HMCN1: variants seen among roughly 807,000 people sequenced by gnomAD.
HMCN1 encodes the protein hemicentin-1.
A neutral mutation model predicts 625.9 loss-of-function variants in HMCN1; 321 were observed. The ratio of observed to expected loss-of-function variants is 0.51; its 90% CI spans 0.47 to 0.56. HMCN1 has a LOEUF of 0.56. Ranked by LOEUF, HMCN1 falls within the 20% of genes least tolerant of loss-of-function variation. HMCN1 has a pLI of 0.00. For missense variants in HMCN1, 6,588 were observed against 6,887.3 expected (o/e 0.96, Z 1.54); for synonymous variants, 2,425 against 2,417.6 (o/e 1.00, Z -0.09).
Position 186,003,833 on chromosome 1 carries a change from C to T in HMCN1, c.4464C>T (p.Phe1488=), listed in dbSNP as rs1478904692. Residue 1488 remains phenylalanine, a synonymous_variant, in exon 29 of 107, where the codon TTC becomes TTT. Transcript: ENST00000271588. ...KGTPFPDIHW[F]KDGKPLFLGD... ...CTCCCTTTCCTGATATTCATTGGTT[C>T]AAAGATGGCAAGTGAGTATCTTTTC... 2.5e-6 allele frequency: 4 copies of T among 1,613,074 alleles called. No homozygotes were observed. The South Asian group carries it at 3.3e-5, about 13-fold the overall frequency.
chr1:186,051,286 T>C (rs1371033982), intron 42 of HMCN1, among the ~76,000 whole-genome samples: 1 of 152,042 alleles, frequency 6.6e-6, no homozygotes, highest in Non-Finnish European at 1.5e-5. Context: ...TGAATCAACA[T>C]GATTAAGTTG....
At chr1:186,156,734 T>C (rs187019312) in intron 97 of HMCN1, among the ~76,000 whole-genome samples, 1 of 152,298 alleles carries the variant, frequency 6.6e-6, no homozygotes, top group East Asian at 1.9e-4. Flanking sequence ...ATATTAAATA[T>C]CCTCAAAGTA....
rs202048492 is a variant in HMCN1 at position 186,137,680 on chromosome 1, T to C, written c.13753+12T>C. 173 of 1,614,054 alleles carry C rather than the reference T, an allele frequency of 1.1e-4. No individual in the cohort carries two copies. In the African/African-American group the frequency reaches 2.0e-3, roughly 19 times the overall value. ...TAAGCCTTGTCCAGGTACACCTCCT[T>C]ATTTAACTGATAGGCATGTGTTTAA... On this transcript the variant is annotated intron_variant, in intron 88 of 106. Transcript: ENST00000271588.
At position 185,934,856 on chromosome 1, in the gene HMCN1, A is replaced by G. The variant is rs960852106; in HGVS notation, c.1828+1032A>G. ...TAAATCTTAGAATGTTATTAATGAC[A>G]GAAAAGCGAAACTACCATGAGAATT... On this transcript the variant is annotated intron_variant, in intron 11 of 106. Transcript: ENST00000271588. Among the ~76,000 whole-genome samples, 5 of 152,332 alleles carry G rather than the reference A, an allele frequency of 3.3e-5. No homozygotes were observed. In the East Asian group the frequency reaches 9.6e-4, roughly 29 times the overall value.
At position 186,144,609 on chromosome 1, in the gene HMCN1, A is replaced by G. The variant is rs1650195771; in HGVS notation, c.14172A>G (p.Thr4724=). 1 of 1,614,140 alleles carries G rather than the reference A, an allele frequency of 6.2e-7. No homozygotes were observed. The highest frequency in any genetic ancestry group is 1.3e-5 in the African/African-American group (1 of 75,040). Residue 4724 remains threonine (T), a synonymous_variant, in exon 91 of 107, where the codon ACA becomes ACG. Coordinates refer to ENST00000271588, the MANE Select transcript of HMCN1 (RefSeq NM_031935.3). ...VSCGGGARQR[T]RGCSDPVPQY... ...GTGGAGGAGGTGCCAGACAGAGAAC[A>G]AGGGGCTGCTCCGACCCTGTGCCCC...
chr1:185,775,612 A>G (rs1359729053), intron 1 of HMCN1, among the ~76,000 whole-genome samples: 1 of 152,214 alleles, frequency 6.6e-6, no homozygotes, highest in Non-Finnish European at 1.5e-5. Context: ...AAAGCCAGGT[A>G]GGGCAGTTGT....
intron 16 of HMCN1, 106 bp from the exon 17 acceptor site, chr1:185,980,872 C>T (rs1427789259): frequency 1.3e-6 from 1 of 790,666 alleles, no homozygotes; most frequent in Non-Finnish European, 2.3e-6. Context: ...CTTCTTCAAC[C>T]AGAAGGCAGT....
chr1:186,068,098 C>A, intron 50 of HMCN1, 91 bp downstream of exon 50: 1 of 1,211,008 alleles, frequency 8.3e-7, no homozygotes, highest in Non-Finnish European at 1.2e-6. Context: ...ATAAAAACAC[C>A]AATGTTTTGT....
At chr1:185,973,244 A>G (rs1650954004) in intron 15 of HMCN1, among the ~76,000 whole-genome samples, 1 of 152,192 alleles carries the variant, frequency 6.6e-6, no homozygotes, top group Non-Finnish European at 1.5e-5. Flanking sequence ...TGTATCATGT[A>G]AATGAATATT....
intron 11 of HMCN1, among the ~76,000 whole-genome samples, chr1:185,958,627 T>A (rs886477169): frequency 2.6e-5 from 4 of 152,190 alleles, no homozygotes; most frequent in African/African-American, 4.8e-5. Context: ...TGCCAGGCAT[T>A]GTTCTAAGTG....
chr1:185,823,914 T>C (rs536512209), intron 1 of HMCN1, among the ~76,000 whole-genome samples: 1 of 152,290 alleles, frequency 6.6e-6, no homozygotes, highest in African/African-American at 2.4e-5. Context: ...TATTTCTACT[T>C]TTTATTTATT....
At chr1:186,162,660 G>A (rs554435365) in intron 97 of HMCN1, among the ~76,000 whole-genome samples, 1 of 152,194 alleles carries the variant, frequency 6.6e-6, no homozygotes, top group Non-Finnish European at 1.5e-5. Context: ...AAGTCTGTTG[G>A]AGTTTGCTAG....
chr1:185,846,828 G>C (rs1329017354), intron 2 of HMCN1, among the ~76,000 whole-genome samples: 1 of 152,086 alleles, frequency 6.6e-6, no homozygotes, highest in East Asian at 1.9e-4. Context: ...TTATGAGAAT[G>C]ACCTAGTCAG....
chr1:185,989,770 CTA>C (rs376317116), intron 21 of HMCN1, 123 bp downstream of exon 21: 20 of 527,910 alleles, frequency 3.8e-5, no homozygotes, highest in South Asian at 1.8e-4. Context: ...CCCCAGATTT[CTA>C]TTTTTTTTTT....
chr1:185,923,948 G>T (rs1272030082), intron 8 of HMCN1, among the ~76,000 whole-genome samples: 1 of 152,138 alleles, frequency 6.6e-6, no homozygotes, highest in African/African-American at 2.4e-5. Flanking sequence ...AAGCCAGGCA[G>T]ATATATTTGC....
intron 102 of HMCN1, among the ~76,000 whole-genome samples, chr1:186,173,495 G>T (rs958356246): frequency 6.6e-6 from 1 of 151,868 alleles, no homozygotes; most frequent in Non-Finnish European, 1.5e-5. Context: ...ACAAAAATTA[G>T]CTGGGCATGG....
Position 185,933,789 on chromosome 1 carries a change from G to A in HMCN1, c.1793G>A (p.Gly598Glu), listed in dbSNP as rs1312686179. The stretch of plus-strand genomic sequence containing the variant: ...CATTGTATGGTTTCTAGTGAAGGTG[G>A]ATCATCAGCCGCTTCAGTTTTCCTC... ...EYHCMVSSEG[G>E]SSAASVFLTV... is the part of the protein sequence containing the mutation. Residue 598 changes from glycine to glutamate, a missense_variant, in exon 11 of 107, where the codon GGA (glycine) becomes GAA (glutamate). Coordinates refer to ENST00000271588, the MANE Select transcript of HMCN1 (RefSeq NM_031935.3). 1 of 1,613,822 alleles carries A rather than the reference G, an allele frequency of 6.2e-7. No individual in the cohort carries two copies. The highest frequency in any genetic ancestry group is 1.3e-5 in the African/African-American group (1 of 74,922).
chr1:185,756,772 CT>C (rs1655158320), intron 1 of HMCN1, among the ~76,000 whole-genome samples: 1 of 152,136 alleles, frequency 6.6e-6, no homozygotes, highest in African/African-American at 2.4e-5. Context: ...TTTGCTCCTT[CT>C]AACTTTAAAA....
rs1185389324 is a variant in HMCN1, at chr1:186,045,274, C to T, written c.6305-414C>T. Among the ~76,000 whole-genome samples, 9 of 152,090 alleles carry T rather than the reference C, an allele frequency of 5.9e-5. No homozygotes were observed. In the East Asian group the frequency reaches 1.5e-3, roughly 26 times the overall value. On this transcript the variant is annotated intron_variant, in intron 40 of 106. Coordinates refer to ENST00000271588, the MANE Select transcript of HMCN1 (RefSeq NM_031935.3). The stretch of plus-strand genomic sequence containing the variant: ...ATTCTCCAACTATTTTTTAATGTTG[C>T]CTCTGTGACTATGACATTTATTTCT...
Sources: gnomAD v4.1 joint callset for allele counts (sites outside exome capture counted in the v4.1 genomes callset) on GRCh38, gnomAD v4.1.1 for gene constraint, MANE v1.5 for transcripts, NCBI Gene and HGNC (gene_info 2026-07-23, HGNC 2026-07-21) for gene names.